The following TRIM66 variants were observed in gnomAD, a reference collection of about 807,000 sequenced individuals.
The protein encoded by TRIM66 is tripartite motif-containing protein 66.
Under a neutral mutation model 148.2 loss-of-function variants are expected in TRIM66, and 99 were observed. That is an observed-to-expected ratio of 0.67 (90% confidence interval 0.57 to 0.79). TRIM66 has a LOEUF of 0.79. Among genes scored for constraint, TRIM66 ranks in the 30% least tolerant of loss-of-function variants. The pLI is 0.00. For missense variants in TRIM66, 1,666 were observed against 1,697.9 expected (o/e 0.98, Z 0.33); for synonymous variants, 616 against 635.9 (o/e 0.97, Z 0.47).
In TRIM66 at chr11:8,617,700, T is replaced by A; in HGVS notation, c.*244A>T. ...GGTCTTGTCAAGTGGAGCCTATACA[T>A]CTGATTACTCTGGTAATAATAAATA... On this transcript the variant is annotated 3_prime_UTR_variant, in exon 25 of 25. Coordinates refer to ENST00000646038, the MANE Select transcript of TRIM66 (RefSeq NM_001388022.1). 1 of 511,382 alleles carries A rather than the reference T, an allele frequency of 2.0e-6. No individual in the cohort carries two copies. The highest frequency in any genetic ancestry group is 3.5e-6 in the Non-Finnish European group (1 of 288,998). 31.7% of individuals were successfully genotyped at this position (511,382 alleles called of 1,614,324 possible).
rs555390170 is a variant in TRIM66, at chr11:8,676,253, G to A, written c.-189-1370C>T. ...AAACTTCTTTTTTTTTTTTTTAACC[G>A]GCAGATGCTTAGTGGTAAAGAATAT... is the stretch of plus-strand genomic sequence containing the variant. On this transcript the variant is annotated intron_variant, in intron 3 of 24. Transcript: ENST00000646038. Among the ~76,000 whole-genome samples the A allele has an allele frequency of 1.3e-4, 20 of 149,708 alleles. No homozygotes were observed. In the South Asian group the frequency reaches 2.7e-3, roughly 21 times the overall value.
intron 1 of TRIM66, 89 bp downstream of exon 1, chr11:8,682,512 A>T: frequency 2.0e-6 from 1 of 491,780 alleles, no homozygotes; most frequent in Non-Finnish European, 3.6e-6. Flanking sequence ...GGCCTGGCTC[A>T]AGCAAGCACG....
At chr11:8,683,143 C>T, upstream of TRIM66, 6 of 1,510,030 alleles carry the variant, frequency 4.0e-6, no homozygotes, top group South Asian at 1.1e-5. Flanking sequence ...TCTCGGCTGG[C>T]GGGCATCGCC....
At chr11:8,646,352 C>T in intron 11 of TRIM66, 95 bp downstream of exon 11, 2 of 1,016,012 alleles carry the variant, frequency 2.0e-6, no homozygotes, top group Non-Finnish European at 3.0e-6. Flanking sequence ...AGCTGCATAT[C>T]TGAATTACAG....
intron 11 of TRIM66, 117 bp downstream of exon 11, chr11:8,646,330 C>A (rs562101371): frequency 2.4e-6 from 2 of 827,082 alleles, no homozygotes; most frequent in East Asian, 2.7e-5. Context: ...GGGAGCAGCA[C>A]AGAGCTATGG....
chr11:8,625,374 C>T, intron 15 of TRIM66, 146 bp from the exon 16 acceptor site: 4 of 1,044,418 alleles, frequency 3.8e-6, no homozygotes, highest in Non-Finnish European at 5.3e-6. Flanking sequence ...GCCAGGAACT[C>T]AGGCAATGCA....
intron 6 of TRIM66, among the ~76,000 whole-genome samples, chr11:8,669,164 C>T (rs561656963): frequency 6.6e-6 from 1 of 152,268 alleles, no homozygotes; most frequent in East Asian, 1.9e-4. Context: ...TCATTTGGTC[C>T]AAAGCATAGA....
At chr11:8,667,618 C>T (rs1037350413) in intron 6 of TRIM66, among the ~76,000 whole-genome samples, 3 of 152,180 alleles carry the variant, frequency 2.0e-5, no homozygotes, top group East Asian at 1.9e-4. Context: ...TCTATCTCTA[C>T]GAAGCTGACT....
intron 6 of TRIM66, among the ~76,000 whole-genome samples, chr11:8,655,251 T>C (rs2037723141): frequency 6.6e-6 from 1 of 152,176 alleles, no homozygotes; most frequent in Admixed American, 6.5e-5. Flanking sequence ...GGAAGTTTTC[T>C]GGAAAAAAAG....
intron 19 of TRIM66, 75 bp from the exon 20 acceptor site, chr11:8,621,396 G>C (rs1373158753): frequency 6.8e-7 from 1 of 1,476,806 alleles, no homozygotes; most frequent in Non-Finnish European, 9.0e-7. Context: ...GGAGAGACTG[G>C]CAGGCCCTGC....
chr11:8,644,023 A>G (rs572383612), intron 12 of TRIM66, among the ~76,000 whole-genome samples: 2 of 152,262 alleles, frequency 1.3e-5, no homozygotes, highest in South Asian at 4.1e-4. Context: ...CACCATACCT[A>G]GACCCTATTC....
intron 1 of TRIM66, 86 bp from the exon 2 acceptor site, chr11:8,680,149 A>C (rs1337405778): frequency 6.6e-6 from 1 of 152,360 alleles, no homozygotes; most frequent in Non-Finnish European, 1.5e-5. Flanking sequence ...GCACTCCGGG[A>C]TGGGAAACAG....
chr11:8,641,266 G>T lies in TRIM66; in HGVS notation c.1223-114C>A, dbSNP rs1404231892. On this transcript the variant is annotated intron_variant, in intron 13 of 24. Transcript: ENST00000646038. ...TCAACAATCCTGTACCAGGAACAGAGATTAAGAAACTCAACCCTTGATCTC... is the reference window on the plus strand; with the variant it reads ...TCAACAATCCTGTACCAGGAACAGATATTAAGAAACTCAACCCTTGATCTC... 8 of 992,394 alleles carry T rather than the reference G, an allele frequency of 8.1e-6. No homozygotes were observed. The Admixed American group carries it at 8.5e-5, about 10-fold the overall frequency. The allele number at this position is 992,394 out of a possible 1,614,324, so 61.5% of individuals were successfully genotyped here. A position where few individuals can be genotyped will look rare whatever the true frequency, so the allele number is the denominator to read the frequency against.
intron 18 of TRIM66, among the ~76,000 whole-genome samples, 186 bp from the exon 19 acceptor site, chr11:8,622,005 T>C (rs1025820812): frequency 1.3e-5 from 2 of 151,926 alleles, no homozygotes; most frequent in Non-Finnish European, 2.9e-5. Flanking sequence ...AACATTTGAG[T>C]CAGTGGGCTG....
rs887981227 is a variant in TRIM66 at position 8,614,855 on chromosome 11, T to C, written c.*3089A>G. On this transcript the variant is annotated 3_prime_UTR_variant, in exon 25 of 25. Coordinates refer to ENST00000646038, the MANE Select transcript of TRIM66 (RefSeq NM_001388022.1). ...CCTAGAGGCAGGCAAGGTGTATAGT[T>C]AGCAATTGCTAGAAGTCAGGCAGGG... 3 of 152,208 alleles carry C rather than the reference T, an allele frequency of 2.0e-5. No individual in the cohort carries two copies. The highest frequency in any genetic ancestry group is 7.2e-5 in the African/African-American group (3 of 41,436). 9.4% of individuals were successfully genotyped at this position (152,208 alleles called of 1,614,324 possible). A position where few individuals can be genotyped will look rare whatever the true frequency, so the allele number is the denominator to read the frequency against.
intron 17 of TRIM66, among the ~76,000 whole-genome samples, chr11:8,624,117 T>G (rs998472931): frequency 6.6e-6 from 1 of 152,186 alleles, no homozygotes; most frequent in African/African-American, 2.4e-5. Flanking sequence ...CAGGACTCTT[T>G]GCATGGGGAG....
Position 8,640,827 on chromosome 11 carries a change from T to C in TRIM66, c.1548A>G (p.Lys516=). 2.6e-6 allele frequency: 4 copies of C among 1,550,598 alleles called. No individual in the cohort carries two copies. Among genetic ancestry groups the C allele is most frequent in the African/African-American group, 1.4e-5 (1 of 73,126 alleles). ...LQCSALLPRE[K]ELACSPHPPK... Reference sequence around the variant, plus strand: ...GTGGATGAGGGCTGCAGGCCAGCTCTTTCTCCCTGGGCAGCAGGGCAGAGC... The same window carrying C: ...GTGGATGAGGGCTGCAGGCCAGCTCCTTCTCCCTGGGCAGCAGGGCAGAGC... Residue 516 remains lysine (K), a synonymous_variant, in exon 14 of 25, where the codon AAA becomes AAG. Transcript: ENST00000646038.
chr11:8,637,302 T>C (rs1266842921), intron 15 of TRIM66, among the ~76,000 whole-genome samples: 3 of 141,398 alleles, frequency 2.1e-5, no homozygotes, highest in African/African-American at 5.3e-5. Flanking sequence ...GATATAGATA[T>C]AGATATAATC....
chr11:8,658,338 C>A (rs569943204), intron 6 of TRIM66, among the ~76,000 whole-genome samples: 1 of 152,212 alleles, frequency 6.6e-6, no homozygotes, highest in Non-Finnish European at 1.5e-5. Context: ...AGGAAGAAAA[C>A]GACATTTTCA....
Sources: allele counts gnomAD v4.1 joint callset (sites outside exome capture counted in the v4.1 genomes callset), GRCh38; gene constraint gnomAD v4.1.1; transcripts MANE v1.5; gene names NCBI Gene and HGNC (gene_info 2026-07-23, HGNC 2026-07-21).